The following MYOM1 variants were observed in gnomAD, a reference collection of about 807,000 sequenced individuals.
The protein encoded by MYOM1 is myomesin-1.
A neutral mutation model predicts 205.3 loss-of-function variants in MYOM1; 164 were observed. That is an observed-to-expected ratio of 0.80 (90% confidence interval 0.70 to 0.91). MYOM1 has a LOEUF of 0.91. Ranked by LOEUF, MYOM1 falls within the 40% of genes least tolerant of loss-of-function variation. The probability of loss-of-function intolerance (pLI) is 0.00; values close to 1 mark genes in which losing one functional copy is unlikely to be tolerated. For synonymous variants in MYOM1, 772 were observed against 789.4 expected, an observed-to-expected ratio of 0.98 and a Z score of 0.37; for missense variants, 2,011 against 2,127.3, an observed-to-expected ratio of 0.95 and a Z score of 1.08.
At chr18:3,193,714 T>C (rs2080951908) in intron 3 of MYOM1, 104 bp downstream of exon 3, 1 of 1,230,080 alleles carries the variant, frequency 8.1e-7, no homozygotes, top group South Asian at 1.8e-5. Flanking sequence ...TTAGCTGCTA[T>C]TTCTATAATC....
chr18:3,187,054 T>G (rs918049284), intron 5 of MYOM1, among the ~76,000 whole-genome samples: 1 of 150,700 alleles, frequency 6.6e-6, no homozygotes, highest in African/African-American at 2.4e-5. Flanking sequence ...GAGATGGGAG[T>G]TTTAGTTAAA....
intron 5 of MYOM1, among the ~76,000 whole-genome samples, chr18:3,176,759 G>C (rs2080646502): frequency 6.6e-6 from 1 of 152,076 alleles, no homozygotes; most frequent in Non-Finnish European, 1.5e-5. Flanking sequence ...GCACACACCT[G>C]TAATCCCAGC....
rs545359936 is a variant in MYOM1 at position 3,067,197 on chromosome 18, C to T, written c.*65G>A. The T allele has an allele frequency of 1.3e-6, 2 of 1,487,826 alleles. No homozygotes were observed. The highest frequency in any genetic ancestry group is 9.0e-7 in the Non-Finnish European group (1 of 1,105,088). 92.2% of individuals were successfully genotyped at this position (1,487,826 alleles called of 1,614,324 possible). Reference sequence around the variant, plus strand: ...GGGAGGAGAAAGCATGAAGACGTCTCATCCTTAACCCAAACCATTCACACC... The same window carrying T: ...GGGAGGAGAAAGCATGAAGACGTCTTATCCTTAACCCAAACCATTCACACC... On this transcript the variant is annotated 3_prime_UTR_variant, in exon 38 of 38. Coordinates refer to ENST00000356443, the MANE Select transcript of MYOM1 (RefSeq NM_003803.4).
chr18:3,138,466 A>G (rs2080003268), intron 14 of MYOM1, among the ~76,000 whole-genome samples: 1 of 152,174 alleles, frequency 6.6e-6, no homozygotes, highest in Non-Finnish European at 1.5e-5. Context: ...AGCCACACGC[A>G]TGCTCTTGGC....
At chr18:3,240,500 C>T in the MYOM1 span, among the ~76,000 whole-genome samples, 1 of 152,236 alleles carries the variant, frequency 6.6e-6, no homozygotes. Flanking sequence ...ACCATGTAGA[C>T]ATGCCTTTCA....
chr18:3,191,695 C>CT lies in MYOM1; in HGVS notation c.431+2122dup, dbSNP rs1405479889. 4.3e-3 allele frequency among the ~76,000 whole-genome samples: 620 copies of CT among 144,860 alleles called. 5 individuals are homozygous for CT. Among genetic ancestry groups the CT allele is most frequent in the African/African-American group, 0.012 (492 of 39,586 alleles). On this transcript the variant is annotated intron_variant, in intron 3 of 37. Coordinates refer to ENST00000356443, the MANE Select transcript of MYOM1 (RefSeq NM_003803.4). Reference sequence around the variant, plus strand: ...CTAGAAGATCAATTTTTCTTCACATCTTTTTTTTTTTTCTTTTTGAGATGG... The same window carrying CT: ...CTAGAAGATCAATTTTTCTTCACATCTTTTTTTTTTTTTCTTTTTGAGATGG...
chr18:3,102,725 A>T, intron 22 of MYOM1, 95 bp from the exon 23 acceptor site: 1 of 1,343,488 alleles, frequency 7.4e-7, no homozygotes, highest in Non-Finnish European at 1.0e-6. Flanking sequence ...ACCCTAAAGT[A>T]GGGCCCTGAT....
At chr18:3,159,731 A>G (rs1567941458) in intron 10 of MYOM1, among the ~76,000 whole-genome samples, 1 of 152,244 alleles carries the variant, frequency 6.6e-6, no homozygotes, top group Non-Finnish European at 1.5e-5. Flanking sequence ...GCCGACATAA[A>G]AAACCATAGA....
chr18:3,202,581 A>G (rs553166902), intron 2 of MYOM1, among the ~76,000 whole-genome samples: 12 of 152,304 alleles, frequency 7.9e-5, no homozygotes, highest in African/African-American at 2.9e-4. Context: ...GGAATATTTC[A>G]TATGATAAAA....
chr18:3,089,505 A>G, intron 28 of MYOM1, 32 bp downstream of exon 28: 7 of 1,555,540 alleles, frequency 4.5e-6, no homozygotes, highest in Non-Finnish European at 6.1e-6. Flanking sequence ...AAAAAATTAA[A>G]AATTTTCTCT....
At chr18:3,140,066 G>A (rs955813174) in intron 14 of MYOM1, among the ~76,000 whole-genome samples, 1 of 152,156 alleles carries the variant, frequency 6.6e-6, no homozygotes, top group African/African-American at 2.4e-5. Context: ...ACTAGGAAAT[G>A]AACATTGATC....
At chr18:3,116,596 T>C in intron 20 of MYOM1, 81 bp from the exon 21 acceptor site, 1 of 1,251,414 alleles carries the variant, frequency 8.0e-7, no homozygotes, top group Non-Finnish European at 1.1e-6. Flanking sequence ...TTGTAAGTCT[T>C]CAAGCTAATC....
rs1245030749 is a variant in MYOM1, at chr18:3,131,410, T to C, written c.2471A>G (p.Gln824Arg). The change falls in exon 17 of 38, where the codon CAG becomes CGG. Residue 824 changes from glutamine to arginine, a missense_variant. Physicochemically the swap from Gln to Arg is conservative, Grantham distance 43. Transcript: ENST00000356443. ...TTTGACTTCAATAGCTTCTGAATCC[T>C]GGGAATATTCACTAAGTCCAGCTGC... ...VNAAGLSEYS[Q>R]DSEAIEVKAA... The C allele has an allele frequency of 8.1e-6, 13 of 1,613,794 alleles. No homozygotes were observed. Among genetic ancestry groups the C allele is most frequent in the South Asian group, 1.1e-5 (1 of 91,074 alleles).
chr18:3,128,740 G>T (rs1365754590), intron 18 of MYOM1, among the ~76,000 whole-genome samples: 1 of 150,570 alleles, frequency 6.6e-6, no homozygotes, highest in Non-Finnish European at 1.5e-5. Context: ...GATTTTTCTT[G>T]CAAACTATTT....
At chr18:3,241,551 T>C in the MYOM1 span, among the ~76,000 whole-genome samples, 2 of 152,182 alleles carry the variant, frequency 1.3e-5, no homozygotes, top group Non-Finnish European at 2.9e-5. Flanking sequence ...AAGCAGAAGT[T>C]TGCTGCAGGG....
chr18:3,125,946 C>T (rs1471581968), intron 19 of MYOM1, among the ~76,000 whole-genome samples: 2 of 152,202 alleles, frequency 1.3e-5, no homozygotes, highest in South Asian at 4.1e-4. Context: ...AGCCCATGTC[C>T]CTTCATCCGC....
At chr18:3,128,619 T>G (rs2079829757) in intron 18 of MYOM1, among the ~76,000 whole-genome samples, 1 of 152,170 alleles carries the variant, frequency 6.6e-6, no homozygotes, top group Non-Finnish European at 1.5e-5. Flanking sequence ...TTCTTTTCTT[T>G]TTTCATTTCA....
the MYOM1 span, among the ~76,000 whole-genome samples, chr18:3,242,800 C>T: frequency 3.5e-4 from 54 of 152,304 alleles, no homozygotes; most frequent in African/African-American, 1.2e-3. Flanking sequence ...TGAGCCTCTG[C>T]GCCTGACCTC....
At chr18:3,103,486 A>G (rs1051951108) in intron 22 of MYOM1, among the ~76,000 whole-genome samples, 1 of 152,244 alleles carries the variant, frequency 6.6e-6, no homozygotes, top group African/African-American at 2.4e-5. Flanking sequence ...AAACATTCAC[A>G]TCTATGCCTA....
Sources: allele counts gnomAD v4.1 joint callset (sites outside exome capture counted in the v4.1 genomes callset), GRCh38; gene constraint gnomAD v4.1.1; transcripts MANE v1.5; gene names NCBI Gene and HGNC (gene_info 2026-07-23, HGNC 2026-07-21).